DLG2: variants seen among roughly 807,000 people sequenced by gnomAD.
The protein encoded by DLG2 is disks large homolog 2.
A neutral mutation model predicts 132.5 loss-of-function variants in DLG2; 45 were observed. That is an observed-to-expected ratio of 0.34 (90% CI 0.27 to 0.44). DLG2 has a LOEUF of 0.44. Among genes scored for constraint, DLG2 ranks in the 20% least tolerant of loss-of-function variants. The pLI, the probability that DLG2 is intolerant of heterozygous loss-of-function variation, is 1.00. For synonymous variants in DLG2, 424 were observed against 419.6 expected (o/e 1.01, Z -0.13); for missense variants, 1,045 against 1,196.9 (o/e 0.87, Z 1.87).
rs572587027 is a variant in DLG2, at chr11:85,525,633, T to C, written c.40+73024A>G. ...AACAAGTAAAAATATGAGCAAAATA[T>C]ATGAAATAATAATTTTCAAGGCATT... On this transcript the variant is annotated intron_variant, in intron 3 of 27. Coordinates refer to ENST00000376104, the MANE Select transcript of DLG2 (RefSeq NM_001142699.3). Among the ~76,000 whole-genome samples the C allele has an allele frequency of 2.6e-5, 4 of 152,100 alleles. No homozygotes were observed. In the South Asian group the frequency reaches 6.2e-4, roughly 24 times the overall value.
chr11:84,048,729 G>A (rs2096289870), intron 11 of DLG2, among the ~76,000 whole-genome samples: 1 of 151,510 alleles, frequency 6.6e-6, no homozygotes, highest in Non-Finnish European at 1.5e-5. Context: ...CAGTGGTCTG[G>A]TAAAATGCTT....
intron 9 of DLG2, among the ~76,000 whole-genome samples, chr11:84,126,601 G>A (rs1049789369): frequency 1.1e-4 from 17 of 151,956 alleles, no homozygotes; most frequent in African/African-American, 7.3e-5. Context: ...TATATATATC[G>A]ATTTCAGAAA....
At chr11:83,643,305 C>G (rs1480051195) in intron 18 of DLG2, among the ~76,000 whole-genome samples, 1 of 152,156 alleles carries the variant, frequency 6.6e-6, no homozygotes, top group Non-Finnish European at 1.5e-5. Flanking sequence ...ATGTGAAACT[C>G]TGTGGGGGAA....
intron 6 of DLG2, among the ~76,000 whole-genome samples, chr11:84,921,598 G>C (rs1248305501): frequency 6.6e-6 from 1 of 152,128 alleles, no homozygotes; most frequent in African/African-American, 2.4e-5. Context: ...TTGGACTTAA[G>C]TTTTCCTGCA....
At position 83,477,451 on chromosome 11, in the gene DLG2, T is replaced by C. The variant is rs74978092; in HGVS notation, c.2294-4674A>G. ...AATGCTTGAGATGATGCAGCAAAGA[T>C]CTGAACTATTTATTAGAAATTGATG... On this transcript the variant is annotated intron_variant, in intron 22 of 27. Coordinates refer to ENST00000376104, the MANE Select transcript of DLG2 (RefSeq NM_001142699.3). 3.6e-3 allele frequency among the ~76,000 whole-genome samples: 549 copies of C among 152,196 alleles called. 5 individuals are homozygous for C. The highest frequency in any genetic ancestry group is 0.013 in the African/African-American group (532 of 41,550).
chr11:83,870,815 G>C (rs11820598), intron 16 of DLG2, among the ~76,000 whole-genome samples: 14,169 of 152,202 alleles, frequency 0.093, 837 homozygotes, highest in African/African-American at 0.16. Context: ...GGTTTGGCTA[G>C]GCAGATCTGC....
At chr11:83,671,431 C>G (rs1002791135) in intron 18 of DLG2, among the ~76,000 whole-genome samples, 1 of 152,174 alleles carries the variant, frequency 6.6e-6, no homozygotes, top group Non-Finnish European at 1.5e-5. Context: ...TATTGAGCCC[C>G]TCCTATGAGC....
intron 9 of DLG2, among the ~76,000 whole-genome samples, chr11:84,115,694 C>T (rs951070674): frequency 2.0e-5 from 3 of 152,166 alleles, no homozygotes; most frequent in East Asian, 1.9e-4. Flanking sequence ...CCAGCTCAAG[C>T]GTTACCACCT....
intron 4 of DLG2, among the ~76,000 whole-genome samples, chr11:85,267,576 C>T (rs976630823): frequency 3.9e-5 from 6 of 151,970 alleles, no homozygotes; most frequent in African/African-American, 1.5e-4. Context: ...TAATCTGACA[C>T]AGTAACACCA....
intron 4 of DLG2, among the ~76,000 whole-genome samples, chr11:85,232,936 T>C (rs1423837606): frequency 1.3e-5 from 2 of 151,946 alleles, no homozygotes; most frequent in Non-Finnish European, 2.9e-5. Flanking sequence ...AGTCTCTAGA[T>C]GGAAGAAAGG....
intron 4 of DLG2, among the ~76,000 whole-genome samples, chr11:85,261,108 G>C (rs928285503): frequency 2.6e-5 from 4 of 152,166 alleles, no homozygotes; most frequent in Non-Finnish European, 5.9e-5. Flanking sequence ...GTTTGTAAGA[G>C]AGAAAGTATG....
chr11:83,465,923 C>A lies in DLG2; in HGVS notation c.2729+785G>T, dbSNP rs112084257. Among the ~76,000 whole-genome samples, 736 of 152,314 alleles carry A rather than the reference C, an allele frequency of 4.8e-3. 7 individuals carry two copies. The highest frequency in any genetic ancestry group is 0.017 in the African/African-American group (711 of 41,578). On this transcript the variant is annotated intron_variant, in intron 26 of 27. Transcript: ENST00000376104. ...TAGCCCCTTTTCTGGTTACCTCTAT[C>A]TACTGTAGCTTCACCTTTGTGAATG...
chr11:84,766,067 T>A (rs1388938785), intron 6 of DLG2, among the ~76,000 whole-genome samples: 1 of 152,026 alleles, frequency 6.6e-6, no homozygotes, highest in African/African-American at 2.4e-5. Context: ...TGAAGTGCAA[T>A]ACTCCTTCCG....
At chr11:83,512,711 T>C (rs1274410766) in intron 21 of DLG2, among the ~76,000 whole-genome samples, 7 of 150,446 alleles carry the variant, frequency 4.7e-5, no homozygotes, top group Admixed American at 4.6e-4. Flanking sequence ...GGCCCTGGTG[T>C]GTGATGTTCC....
chr11:85,533,760 G>A (rs890613403), intron 3 of DLG2, among the ~76,000 whole-genome samples: 11 of 152,080 alleles, frequency 7.2e-5, no homozygotes, highest in Non-Finnish European at 1.5e-5. Flanking sequence ...ATTGTGAATC[G>A]GAAAACATTC....
chr11:85,315,136 T>C (rs2080571400), intron 3 of DLG2, among the ~76,000 whole-genome samples: 2 of 151,900 alleles, frequency 1.3e-5, no homozygotes, highest in Admixed American at 6.6e-5. Flanking sequence ...CTGGAAAAGA[T>C]AGTTAAGGAA....
intron 7 of DLG2, among the ~76,000 whole-genome samples, chr11:84,341,806 G>A (rs1280455008): frequency 1.3e-5 from 2 of 152,230 alleles, no homozygotes; most frequent in African/African-American, 4.8e-5. Flanking sequence ...CAGAATTTCT[G>A]TACCCCTTTT....
At chr11:85,346,565 A>G (rs1029701913) in intron 3 of DLG2, among the ~76,000 whole-genome samples, 6 of 152,148 alleles carry the variant, frequency 3.9e-5, no homozygotes, top group African/African-American at 1.4e-4. Flanking sequence ...TTTGTTCTCC[A>G]GAAATCAGAA....
At chr11:84,165,504 T>C (rs534053274) in intron 8 of DLG2, among the ~76,000 whole-genome samples, 5 of 152,318 alleles carry the variant, frequency 3.3e-5, no homozygotes, top group Admixed American at 3.3e-4. Context: ...GGGTCTTTCA[T>C]TTTCAACTCA....
Sources: allele counts gnomAD v4.1 joint callset (sites outside exome capture counted in the v4.1 genomes callset), GRCh38; gene constraint gnomAD v4.1.1; transcripts MANE v1.5; gene names NCBI Gene and HGNC (gene_info 2026-07-23, HGNC 2026-07-21).